STK3: variants seen among roughly 807,000 people sequenced by gnomAD.
STK3 encodes serine/threonine-protein kinase 3.
A neutral mutation model predicts 58.0 loss-of-function variants in STK3; 41 were observed. The observed-to-expected ratio is 0.71, with a 90% CI of 0.55 to 0.92. STK3 has a LOEUF of 0.92. Ranked by LOEUF, STK3 falls within the 40% of genes least tolerant of loss-of-function variation. STK3 has a pLI of 0.00. For missense variants in STK3, 479 were observed against 602.7 expected (o/e 0.79, Z 2.15); for synonymous variants, 170 against 191.0 (o/e 0.89, Z 0.91).
At chr8:98,630,172 G>C (rs771544138) in intron 6 of STK3, among the ~76,000 whole-genome samples, 5 of 152,144 alleles carry the variant, frequency 3.3e-5, no homozygotes, top group Admixed American at 6.5e-5. Flanking sequence ...CACCCTGTCT[G>C]ATGTGCCATG....
intron 1 of STK3, among the ~76,000 whole-genome samples, chr8:98,790,427 C>G (rs371941520): frequency 6.6e-6 from 1 of 152,164 alleles, no homozygotes; most frequent in Non-Finnish European, 1.5e-5. Context: ...ATCACATGAT[C>G]GTCTCAACAG....
At chr8:98,683,510 G>C (rs1239248867) in intron 6 of STK3, among the ~76,000 whole-genome samples, 3 of 151,994 alleles carry the variant, frequency 2.0e-5, no homozygotes, top group Admixed American at 2.0e-4. Flanking sequence ...GATTCATTTA[G>C]ACACACAAAG....
intron 6 of STK3, among the ~76,000 whole-genome samples, chr8:98,616,898 A>T (rs1164569974): frequency 6.6e-6 from 1 of 151,960 alleles, no homozygotes; most frequent in East Asian, 1.9e-4. Context: ...CATTAGACAG[A>T]TCAACGAGAC....
At chr8:98,469,063 C>T (rs1447064680) in intron 10 of STK3, among the ~76,000 whole-genome samples, 5 of 151,450 alleles carry the variant, frequency 3.3e-5, no homozygotes, top group African/African-American at 7.3e-5. Context: ...GAGCTAGGAT[C>T]GTGCCACTGC....
At chr8:98,855,023 T>C (rs2131838088) in intron 3 of STK3, among the ~76,000 whole-genome samples, 1 of 152,220 alleles carries the variant, frequency 6.6e-6, no homozygotes, top group East Asian at 1.9e-4. Flanking sequence ...CGCCACTGCA[T>C]TCCAGCCTGG....
At chr8:98,350,084 A>G in the STK3 span, among the ~76,000 whole-genome samples, 9 of 152,068 alleles carry the variant, frequency 5.9e-5, no homozygotes, top group Admixed American at 4.6e-4. Context: ...CCGAACTTTT[A>G]TGCTGTGCTT....
chr8:98,736,957 T>C (rs1174950911), intron 4 of STK3, among the ~76,000 whole-genome samples: 1 of 152,186 alleles, frequency 6.6e-6, no homozygotes, highest in Non-Finnish European at 1.5e-5. Flanking sequence ...ATATATGTAG[T>C]ATATACATAA....
At chr8:98,392,093 TA>T (rs1383701258), upstream of STK3, among the ~76,000 whole-genome samples, 1 of 152,228 alleles carries the variant, frequency 6.6e-6, no homozygotes, top group Non-Finnish European at 1.5e-5. Flanking sequence ...TTATACTCAA[TA>T]AAAGAAATCT....
intron 2 of STK3, among the ~76,000 whole-genome samples, chr8:98,376,965 T>A (rs1817682281): frequency 6.6e-6 from 1 of 152,244 alleles, no homozygotes. Flanking sequence ...ATCTTTTCCT[T>A]CTTTCTTTTG....
chr8:98,636,894 T>C (rs967976227), intron 6 of STK3, among the ~76,000 whole-genome samples: 4 of 152,080 alleles, frequency 2.6e-5, no homozygotes, highest in Non-Finnish European at 5.9e-5. Context: ...ACTAATAAAA[T>C]AGCATTTGAA....
At chr8:98,412,245 C>A (rs988633629) in intron 3 of STK3, among the ~76,000 whole-genome samples, 2 of 152,158 alleles carry the variant, frequency 1.3e-5, no homozygotes, top group African/African-American at 4.8e-5. Flanking sequence ...TCCTCTCTAC[C>A]CTCTACTGTC....
intron 2 of STK3, among the ~76,000 whole-genome samples, chr8:98,435,219 AG>A: frequency 6.6e-6 from 1 of 152,238 alleles, no homozygotes; most frequent in East Asian, 1.9e-4. Context: ...CCAGCCAGAC[AG>A]GGCATGGTGC....
At chr8:98,872,156 C>T (rs1364556396) in intron 3 of STK3, among the ~76,000 whole-genome samples, 6 of 152,004 alleles carry the variant, frequency 3.9e-5, no homozygotes, top group African/African-American at 7.2e-5. Flanking sequence ...TATTGATTTG[C>T]GTATGTTTAA....
At chr8:98,518,730 A>C (rs1056244368) in intron 10 of STK3, among the ~76,000 whole-genome samples, 4 of 152,140 alleles carry the variant, frequency 2.6e-5, no homozygotes, top group African/African-American at 9.7e-5. Flanking sequence ...GTTGGATATG[A>C]CTGCCAGCAC....
At chr8:98,427,754 A>G (rs1818258999) in intron 3 of STK3, 1 of 497,126 alleles carries the variant, frequency 2.0e-6, no homozygotes, top group East Asian at 3.3e-5. Context: ...AGCTGTGCTA[A>G]TAGAAACATA....
At chr8:98,934,961 TA>T (rs1840143245) in intron 1 of STK3, among the ~76,000 whole-genome samples, 2 of 138,140 alleles carry the variant, frequency 1.4e-5, no homozygotes, top group Admixed American at 6.9e-5. Context: ...ATGACATATA[TA>T]AAGAGCAAAG....
Position 98,774,702 on chromosome 8 carries a change from G to C in STK3, c.107+37C>G, listed in dbSNP as rs767937707. ...CATATAATATTTTTTAAATTGTTCTGAAATTATTTACATGCTTTCATACTT... is the reference window on the plus strand; with the variant it reads ...CATATAATATTTTTTAAATTGTTCTCAAATTATTTACATGCTTTCATACTT... On this transcript the variant is annotated intron_variant, in intron 2 of 10. Coordinates refer to ENST00000419617, the MANE Select transcript of STK3 (RefSeq NM_006281.4). The C allele has an allele frequency of 7.1e-6, 10 of 1,403,764 alleles. No homozygotes were observed. In the African/African-American group the frequency reaches 1.5e-4, roughly 20 times the overall value. 87.0% of individuals were successfully genotyped at this position (1,403,764 alleles called of 1,614,324 possible). A position where few individuals can be genotyped will look rare whatever the true frequency, so the allele number is the denominator to read the frequency against.
At chr8:98,778,593 C>T (rs1351094548) in intron 1 of STK3, among the ~76,000 whole-genome samples, 35 of 151,288 alleles carry the variant, frequency 2.3e-4, no homozygotes, top group Middle Eastern at 3.4e-3. Flanking sequence ...ATGTTTATTG[C>T]GGCACTATTC....
chr8:98,928,250 G>A (rs1450408700), intron 1 of STK3, among the ~76,000 whole-genome samples: 1 of 152,156 alleles, frequency 6.6e-6, no homozygotes, highest in East Asian at 1.9e-4. Context: ...ACAGTCCACT[G>A]GAGAGAAATC....
Sources: allele counts gnomAD v4.1 joint callset (sites outside exome capture counted in the v4.1 genomes callset), GRCh38; gene constraint gnomAD v4.1.1; transcripts MANE v1.5; gene names NCBI Gene and HGNC (gene_info 2026-07-23, HGNC 2026-07-21).